Variants in CHKA observed in about 807,000 individuals in gnomAD.
The protein encoded by CHKA is choline kinase alpha.
Under a neutral mutation model 60.1 loss-of-function variants are expected in CHKA, and 34 were observed. The ratio of observed to expected loss-of-function variants is 0.57; its 90% CI spans 0.43 to 0.75. CHKA has a LOEUF of 0.75. Ranked by LOEUF, CHKA falls within the 30% of genes least tolerant of loss-of-function variation. The pLI is 0.00. For synonymous variants in CHKA, 217 were observed against 223.1 expected (o/e 0.97, Z 0.24); for missense variants, 563 against 561.3 (o/e 1.00, Z -0.03).
chr11:68,064,752 A>G, intron 9 of CHKA, 121 bp from the exon 10 acceptor site: 1 of 627,622 alleles, frequency 1.6e-6, no homozygotes. Context: ...CATGATGTTC[A>G]GCATCTCCGA....
At chr11:68,112,349 C>T (rs887514231) in intron 1 of CHKA, among the ~76,000 whole-genome samples, 1 of 152,098 alleles carries the variant, frequency 6.6e-6, no homozygotes, top group African/African-American at 2.4e-5. Flanking sequence ...CTCCGCCTCC[C>T]GGGTTCAAGC....
chr11:68,053,303 G>C lies in CHKA; in HGVS notation c.*685C>G, dbSNP rs1190856073. On this transcript the variant is annotated 3_prime_UTR_variant, in exon 12 of 12. Transcript: ENST00000265689. ...TCTGCACACTCCATCAGGAGGAAGG[G>C]CAGGGGAGAAGTCACATGCAGTACA... The C allele has an allele frequency of 3.9e-5, 6 of 152,378 alleles. No individual in the cohort carries two copies. The highest frequency in any genetic ancestry group is 3.9e-4 in the Admixed American group (6 of 15,290). 9.4% of individuals were successfully genotyped at this position (152,378 alleles called of 1,614,324 possible). A position where few individuals can be genotyped will look rare whatever the true frequency, so the allele number is the denominator to read the frequency against.
chr11:68,089,098 G>C (rs781158941), intron 2 of CHKA, among the ~76,000 whole-genome samples: 11 of 152,152 alleles, frequency 7.2e-5, no homozygotes, highest in Non-Finnish European at 1.5e-4. Context: ...ATGAATATCC[G>C]TAGGAAACTA....
At chr11:68,062,669 G>A (rs1369455710) in intron 10 of CHKA, among the ~76,000 whole-genome samples, 1 of 152,178 alleles carries the variant, frequency 6.6e-6, no homozygotes, top group African/African-American at 2.4e-5. Flanking sequence ...ATTTAGGAGT[G>A]CCTGCTCTAG....
At chr11:68,108,082 G>A (rs945220372) in intron 1 of CHKA, among the ~76,000 whole-genome samples, 9 of 152,310 alleles carry the variant, frequency 5.9e-5, no homozygotes, top group African/African-American at 2.2e-4. Context: ...GGGAAAACAG[G>A]AAGGAGAACG....
chr11:68,074,195 T>G (rs1856711987), intron 4 of CHKA, among the ~76,000 whole-genome samples: 2 of 152,184 alleles, frequency 1.3e-5, no homozygotes, highest in Non-Finnish European at 2.9e-5. Context: ...TCCTGACTGC[T>G]TAGAAATAAG....
chr11:68,054,602 A>G (rs146227397), intron 11 of CHKA, among the ~76,000 whole-genome samples: 6 of 152,234 alleles, frequency 3.9e-5, no homozygotes, highest in African/African-American at 1.4e-4. Context: ...GGACAACACA[A>G]TCTCAAAGAC....
At chr11:68,079,381 G>A (rs966651163) in intron 3 of CHKA, among the ~76,000 whole-genome samples, 2 of 151,914 alleles carry the variant, frequency 1.3e-5, no homozygotes, top group African/African-American at 4.8e-5. Context: ...CCAGGCTGGA[G>A]TGCACTGGCA....
chr11:68,062,908 C>T (rs1236117506), intron 10 of CHKA, among the ~76,000 whole-genome samples: 1 of 152,102 alleles, frequency 6.6e-6, no homozygotes. Flanking sequence ...GATGACTGTG[C>T]TAAGTGCGTG....
At position 68,121,135 on chromosome 11, in the gene CHKA, G is replaced by C; in HGVS notation, c.43C>G (p.Pro15Ala). Reference protein sequence around the residue: ...FCTGGEAEPSPLGLLLSCGSG... With the variant: ...FCTGGEAEPSALGLLLSCGSG... ...CCGCAGCTCAGCAGCAGCCCGAGCG[G>C]CGAGGGCTCCGCCTCGCCCCCGGTG... The change falls in exon 1 of 12, where the codon CCG becomes GCG. Residue 15 changes from proline (P) to alanine (A), a missense_variant. By Grantham distance (27) the Pro-to-Ala change is conservative (BLOSUM62 -1). Transcript: ENST00000265689. 8.3e-7 allele frequency: 1 copy of C among 1,211,410 alleles called. No homozygotes were observed. The highest frequency in any genetic ancestry group is 1.0e-6 in the Non-Finnish European group (1 of 967,406). 75.0% of individuals were successfully genotyped at this position (1,211,410 alleles called of 1,614,324 possible).
chr11:68,074,792 G>A lies in CHKA; in HGVS notation c.555C>T (p.Ala185=), dbSNP rs1856732401. Reference sequence around the variant, plus strand: ...GCCCAAGTGACCTCTCTGCGAGAATGGCAAACATAACGCTCTCCAGAACCA... The same window carrying A: ...GCCCAAGTGACCTCTCTGCGAGAATAGCAAACATAACGCTCTCCAGAACCA... ...EAMVLESVMF[A]ILAERSLGPK... Residue 185 remains alanine (A), a synonymous_variant, in exon 4 of 12, where the codon GCC becomes GCT. Transcript: ENST00000265689. 6.2e-7 allele frequency: 1 copy of A among 1,614,118 alleles called. No individual in the cohort carries two copies. Among genetic ancestry groups the A allele is most frequent in the Non-Finnish European group, 8.5e-7 (1 of 1,180,050 alleles).
rs147321336 is a variant in CHKA at position 68,067,863 on chromosome 11, A to G, written c.928+1016T>C. ...GTAAAAGGTAATTTGGCTCAAATGAATGGCTTATGGATGACGAGTCTTCAT... is the reference window on the plus strand; with the variant it reads ...GTAAAAGGTAATTTGGCTCAAATGAGTGGCTTATGGATGACGAGTCTTCAT... On this transcript the variant is annotated intron_variant, in intron 7 of 11. Transcript: ENST00000265689. Among the ~76,000 whole-genome samples the G allele has an allele frequency of 1.1e-3, 174 of 152,350 alleles. 2 individuals carry two copies. The East Asian group carries it at 0.013, about 12-fold the overall frequency.
chr11:68,071,723 A>G (rs2134545786), intron 4 of CHKA, among the ~76,000 whole-genome samples: 1 of 152,352 alleles, frequency 6.6e-6, no homozygotes. Context: ...AAGTTACCTC[A>G]TACATCTGTG....
chr11:68,063,057 G>C (rs1029696618), intron 10 of CHKA, among the ~76,000 whole-genome samples: 6 of 152,160 alleles, frequency 3.9e-5, no homozygotes, highest in Non-Finnish European at 7.4e-5. Flanking sequence ...GCACAATCTG[G>C]AAGTTTCAGG....
At chr11:68,076,791 G>A (rs1241084866) in intron 3 of CHKA, among the ~76,000 whole-genome samples, 2 of 152,178 alleles carry the variant, frequency 1.3e-5, no homozygotes, top group Non-Finnish European at 2.9e-5. Flanking sequence ...ATAGAGAAGA[G>A]GGAAAGAGAT....
At chr11:68,101,429 C>CA (rs1364765735) in intron 1 of CHKA, among the ~76,000 whole-genome samples, 1 of 151,842 alleles carries the variant, frequency 6.6e-6, no homozygotes, top group Non-Finnish European at 1.5e-5. Flanking sequence ...AAGACCCCAC[C>CA]AAAAAACTAT....
chr11:68,101,660 AAAAAG>A (rs1857730175), intron 1 of CHKA, among the ~76,000 whole-genome samples: 3 of 152,122 alleles, frequency 2.0e-5, no homozygotes, highest in Non-Finnish European at 2.9e-5. Flanking sequence ...TAACAAAAAA[AAAAAG>A]AAAAGAAAAA....
At position 68,068,002 on chromosome 11, in the gene CHKA, T is replaced by A. The variant is rs115684779; in HGVS notation, c.928+877A>T. ...GCAAGGTCAAGGCAGAGAGAGGCCATGTCAGCAGCACCAGTGGGAGCTGCA... is the reference window on the plus strand; with the variant it reads ...GCAAGGTCAAGGCAGAGAGAGGCCAAGTCAGCAGCACCAGTGGGAGCTGCA... On this transcript the variant is annotated intron_variant, in intron 7 of 11. Transcript: ENST00000265689. 3.5e-3 allele frequency among the ~76,000 whole-genome samples: 528 copies of A among 152,250 alleles called. 3 individuals carry two copies. The highest frequency in any genetic ancestry group is 0.012 in the African/African-American group (498 of 41,546).
At chr11:68,104,465 G>A (rs1164448391) in intron 1 of CHKA, among the ~76,000 whole-genome samples, 2 of 151,978 alleles carry the variant, frequency 1.3e-5, no homozygotes, top group Non-Finnish European at 2.9e-5. Context: ...CTATCATCCA[G>A]GCTGGAGTGC....
Sources: gnomAD v4.1 joint callset for allele counts (sites outside exome capture counted in the v4.1 genomes callset) on GRCh38, gnomAD v4.1.1 for gene constraint, MANE v1.5 for transcripts, NCBI Gene and HGNC (gene_info 2026-07-23, HGNC 2026-07-21) for gene names.